CHRNB2: variants seen among roughly 807,000 people sequenced by gnomAD.
CHRNB2 encodes the protein cholinergic receptor nicotinic beta 2 subunit.
CHRNB2 carries 33 observed loss-of-function variants against 42.7 expected under a neutral mutation model. That is an observed-to-expected ratio of 0.77 (90% CI 0.59 to 1.03). The LOEUF (loss-of-function observed/expected upper bound fraction) is 1.03. Among genes scored for constraint, CHRNB2 ranks in the 50% least tolerant of loss-of-function variants. The probability of loss-of-function intolerance (pLI) is 0.00; values close to 1 mark genes in which losing one functional copy is unlikely to be tolerated. For missense variants in CHRNB2, 603 were observed against 700.9 expected (o/e 0.86, Z 1.58); for synonymous variants, 325 against 292.9 (o/e 1.11, Z -1.12).
At chr1:154,575,407 A>G (rs1696253086) in intron 5 of CHRNB2, among the ~76,000 whole-genome samples, 1 of 152,202 alleles carries the variant, frequency 6.6e-6, no homozygotes, top group Admixed American at 6.5e-5. Context: ...GGAGTGCACC[A>G]GGTAGAGAAA....
At position 154,567,992 on chromosome 1, in the gene CHRNB2, C is replaced by T. The variant is rs2280781; in HGVS notation, c.-53C>T. The T allele has an allele frequency of 0.087, 127,940 of 1,477,526 alleles. 5,967 individuals carry two copies. Among genetic ancestry groups the T allele is most frequent in the Middle Eastern group, 0.14 (666 of 4,662 alleles). 91.5% of individuals were successfully genotyped at this position (1,477,526 alleles called of 1,614,324 possible). On this transcript the variant is annotated 5_prime_UTR_variant, in exon 1 of 6. Transcript: ENST00000368476. Reference sequence around the variant, plus strand: ...ACAGCGCCCCACCCGCGGCCCTCCCCCCGGCGGCGCGCTCCAGCCGGTGTA... The same window carrying T: ...ACAGCGCCCCACCCGCGGCCCTCCCTCCGGCGGCGCGCTCCAGCCGGTGTA...
chr1:154,569,794 T>G lies in CHRNB2; in HGVS notation c.213T>G (p.His71Gln), dbSNP rs763194096. ...GCAGCCTCTCTTCCTCCCTGCAGCA[T>G]GAGCGGGAGCAGATCATGACCACCA... The part of the protein sequence containing the change: ...MVSLAQLISV[H>Q]EREQIMTTNV... Residue 71 changes from histidine (H) to glutamine (Q), a missense_variant and splice_region_variant, in exon 3 of 6, where the codon CAT becomes CAG. By Grantham distance (24) the His-to-Gln change is conservative. Coordinates refer to ENST00000368476, the MANE Select transcript of CHRNB2 (RefSeq NM_000748.3). 21 of 1,614,040 alleles carry G rather than the reference T, an allele frequency of 1.3e-5. No individual in the cohort carries two copies. The highest frequency in any genetic ancestry group is 1.8e-5 in the Non-Finnish European group (21 of 1,180,024).
chr1:154,575,585 A>T (rs1207712441), intron 5 of CHRNB2, among the ~76,000 whole-genome samples, 177 bp from the exon 6 acceptor site: 1 of 152,074 alleles, frequency 6.6e-6, no homozygotes, highest in Non-Finnish European at 1.5e-5. Flanking sequence ...TGGGCCCTGA[A>T]GGCAGTGGGG....
chr1:154,575,910 A>G lies in CHRNB2; in HGVS notation c.1487A>G (p.His496Arg). 6.2e-7 allele frequency: 1 copy of G among 1,613,934 alleles called. No individual in the cohort carries two copies. The highest frequency in any genetic ancestry group is 2.2e-5 in the East Asian group (1 of 44,878). ...YTTTTFLHSD[H>R]SAPSSK ...ACCACCACCTTCCTCCACTCAGACC[A>G]CTCAGCCCCCAGCTCCAAGTGAGGC... Residue 496 changes from histidine to arginine, a missense_variant, in exon 6 of 6, where the codon CAC (histidine) becomes CGC (arginine). His to Arg is a conservative substitution (Grantham distance 29). Coordinates refer to ENST00000368476, the MANE Select transcript of CHRNB2 (RefSeq NM_000748.3).
intron 5 of CHRNB2, 72 bp downstream of exon 5, chr1:154,572,233 C>T (rs1696189345): frequency 2.0e-6 from 3 of 1,530,958 alleles, no homozygotes; most frequent in Admixed American, 2.0e-5. Flanking sequence ...TGGAAAGCAG[C>T]GGCGTTCTAT....
At chr1:154,572,622 C>T (rs182239051) in intron 5 of CHRNB2, among the ~76,000 whole-genome samples, 1 of 152,066 alleles carries the variant, frequency 6.6e-6, no homozygotes, top group African/African-American at 2.4e-5. Context: ...GAGGGGGCAA[C>T]ATTGAGGACA....
Position 154,571,658 on chromosome 1 carries a change from T to C in CHRNB2, c.835T>C (p.Phe279Leu). 6.2e-7 allele frequency: 1 copy of C among 1,614,234 alleles called. No individual in the cohort carries two copies. The highest frequency in any genetic ancestry group is 8.5e-7 in the Non-Finnish European group (1 of 1,180,032). Residue 279 changes from phenylalanine (F) to leucine (L), a missense_variant, in exon 5 of 6, where the codon TTC becomes CTC. Coordinates refer to ENST00000368476, the MANE Select transcript of CHRNB2 (RefSeq NM_000748.3). This position sits in a 1 kb window ranked among gnomAD's most constrained non-coding sequence, Gnocchi z 6.8. ...CTCAGTGCTGCTGGCGCTCACGGTC[T>C]TCCTGCTGCTCATCTCCAAGATCGT... ...CISVLLALTV[F>L]LLLISKIVPP...
chr1:154,569,412 G>C, intron 1 of CHRNB2, 50 bp from the exon 2 acceptor site: 1 of 1,609,894 alleles, frequency 6.2e-7, no homozygotes, highest in Non-Finnish European at 8.5e-7. Flanking sequence ...TGGGATGCTG[G>C]GTGGGCTCTC....
rs532421644 is a variant in CHRNB2, at chr1:154,571,050, C to T, written c.366-139C>T. 5.2e-6 allele frequency: 8 copies of T among 1,545,266 alleles called. No homozygotes were observed. The African/African-American group carries it at 6.8e-5, about 13-fold the overall frequency. On this transcript the variant is annotated intron_variant, in intron 4 of 5. Transcript: ENST00000368476. This position sits in a 1 kb window ranked among gnomAD's most constrained non-coding sequence, Gnocchi z 6.8. ...TGCTCAATTCCACCTCTCTATACTCCTGGATGGTTACTCTCAGATCTGGGT... is the reference window on the plus strand; with the variant it reads ...TGCTCAATTCCACCTCTCTATACTCTTGGATGGTTACTCTCAGATCTGGGT...
rs1032803988 is a variant in CHRNB2, at chr1:154,578,307, CAAGTT to C, written c.*2380_*2384del. The C allele has an allele frequency of 6.6e-6, 1 of 152,274 alleles. No homozygotes were observed. The highest frequency in any genetic ancestry group is 2.4e-5 in the African/African-American group (1 of 41,468). The allele number at this position is 152,274 out of a possible 1,614,324, so 9.4% of individuals were successfully genotyped here. A position where few individuals can be genotyped will look rare whatever the true frequency, so the allele number is the denominator to read the frequency against. On this transcript the variant is annotated 3_prime_UTR_variant, in exon 6 of 6. Transcript: ENST00000368476. ...ATATTTCCCATACATGGCTGTTGTC[CAAGTT>C]AAGTCACCAAATGGTGCTAGAGGGG... is the stretch of plus-strand genomic sequence containing the variant.
intron 1 of CHRNB2, among the ~76,000 whole-genome samples, chr1:154,568,516 C>T (rs1696102774): frequency 6.6e-6 from 1 of 152,098 alleles, no homozygotes; most frequent in South Asian, 2.1e-4. Context: ...CCCCGGGCTC[C>T]CCATCGTTTC....
rs1384359475 is a variant in CHRNB2, at chr1:154,571,007, CT to C, written c.366-181del. On this transcript the variant is annotated intron_variant, in intron 4 of 5. Transcript: ENST00000368476. The surrounding 1 kb of genome is among the most constrained non-coding windows in gnomAD (Gnocchi z 6.8). ...CTTCTGGTCACTAACCTTCCCCCCC[CT>C]CCCCATATCCCCTTCTTGCTCAATT... 7.2e-5 allele frequency among the ~76,000 whole-genome samples: 11 copies of C among 152,202 alleles called. No homozygotes were observed. The East Asian group carries it at 7.7e-4, about 11-fold the overall frequency.
At position 154,570,379 on chromosome 1, in the gene CHRNB2, G is replaced by A; in HGVS notation, c.365+12G>A. The A allele has an allele frequency of 1.3e-6, 2 of 1,513,674 alleles. No homozygotes were observed. Among genetic ancestry groups the A allele is most frequent in the Non-Finnish European group, 9.2e-7 (1 of 1,091,872 alleles). 93.8% of individuals were successfully genotyped at this position (1,513,674 alleles called of 1,614,324 possible). On this transcript the variant is annotated intron_variant, in intron 4 of 5. Transcript: ENST00000368476. ...GTCCTGTACAACAAGTAGGTGCAAT[G>A]GGAAGGTTGGGGGAGACCATTGGAG...
intron 5 of CHRNB2, 97 bp from the exon 6 acceptor site, chr1:154,575,665 G>C: frequency 8.5e-7 from 1 of 1,169,680 alleles, no homozygotes; most frequent in Non-Finnish European, 1.3e-6. Flanking sequence ...TGCAGGAGAG[G>C]AGTGGGGTGT....
In CHRNB2 at chr1:154,571,989, G is replaced by T; in HGVS notation, c.1166G>T (p.Cys389Phe). The T allele has an allele frequency of 6.5e-7, 1 of 1,537,084 alleles. No homozygotes were observed. Among genetic ancestry groups the T allele is most frequent in the Non-Finnish European group, 8.7e-7 (1 of 1,146,432 alleles). ...REAPGADSCT[C>F]FVNRASVQGL... ...GCCCCAGGGGCCGACTCCTGCACGT[G>T]CTTCGTCAACCGCGCGTCGGTGCAG... Residue 389 changes from cysteine (C) to phenylalanine (F), a missense_variant, in exon 5 of 6, where the codon TGC becomes TTC. Coordinates refer to ENST00000368476, the MANE Select transcript of CHRNB2 (RefSeq NM_000748.3). The surrounding 1 kb of genome is among the most constrained non-coding windows in gnomAD (Gnocchi z 6.8).
chr1:154,575,830 C>T lies in CHRNB2; in HGVS notation c.1407C>T (p.Val469=), dbSNP rs138886952. The T allele has an allele frequency of 6.2e-7, 1 of 1,614,174 alleles. No individual in the cohort carries two copies. The highest frequency in any genetic ancestry group is 1.7e-5 in the Admixed American group (1 of 60,022). The change falls in exon 6 of 6, where the codon GTC becomes GTT. Residue 469 remains valine, a synonymous_variant. Coordinates refer to ENST00000368476, the MANE Select transcript of CHRNB2 (RefSeq NM_000748.3). ...DRLFLWIFVF[V]CVFGTIGMFL... ...TCTTCCTCTGGATCTTTGTCTTTGT[C>T]TGTGTCTTTGGCACCATCGGCATGT...
chr1:154,569,055 G>A (rs1696114103), intron 1 of CHRNB2, among the ~76,000 whole-genome samples: 1 of 151,546 alleles, frequency 6.6e-6, no homozygotes, highest in African/African-American at 2.4e-5. Flanking sequence ...GTGTGTGGTG[G>A]GACACAAATA....
At chr1:154,568,999 G>T (rs1696112583) in intron 1 of CHRNB2, among the ~76,000 whole-genome samples, 1 of 151,628 alleles carries the variant, frequency 6.6e-6, no homozygotes, top group South Asian at 2.1e-4. Context: ...AGTTATTTGT[G>T]TCCCACCACA....
At chr1:154,570,229 T>C (rs1396170112) in intron 3 of CHRNB2, 29 bp from the exon 4 acceptor site, 2 of 1,491,060 alleles carry the variant, frequency 1.3e-6, no homozygotes, top group Non-Finnish European at 1.9e-6. Context: ...GGGCACAAGT[T>C]GGTACTGCCT....
Sources: allele counts gnomAD v4.1 joint callset (sites outside exome capture counted in the v4.1 genomes callset), GRCh38; gene constraint gnomAD v4.1.1; non-coding constraint Gnocchi (gnomAD v3.1); transcripts MANE v1.5; gene names NCBI Gene and HGNC (gene_info 2026-07-23, HGNC 2026-07-21).